The following IL1RAP variants were observed in gnomAD, a reference collection of about 807,000 sequenced individuals.
IL1RAP encodes the protein interleukin-1 receptor accessory protein.
IL1RAP carries 35 observed loss-of-function variants against 60.7 expected under a neutral mutation model. The observed-to-expected ratio is 0.58, with a 90% CI of 0.44 to 0.76. IL1RAP has a LOEUF of 0.76. Ranked by LOEUF, IL1RAP falls within the 30% of genes least tolerant of loss-of-function variation. The pLI is 0.00. For synonymous variants in IL1RAP, 268 were observed against 250.9 expected (o/e 1.07, Z -0.64); for missense variants, 572 against 693.9 (o/e 0.82, Z 1.97).
intron 5 of IL1RAP, chr3:190,615,373 TG>T (rs35429399): frequency 0.71 from 819,648 of 1,150,136 alleles, 293,499 homozygotes; most frequent in East Asian, 0.83. Flanking sequence ...GTCCTTTTGT[TG>T]TTGCTTTTGT....
chr3:190,527,839 A>ACG (rs969995143), intron 1 of IL1RAP, among the ~76,000 whole-genome samples: 1 of 141,356 alleles, frequency 7.1e-6, no homozygotes, highest in African/African-American at 2.9e-5. Context: ...ACACACACAC[A>ACG]CACACACACA....
At chr3:190,615,462 T>C (rs1375194586) in intron 5 of IL1RAP, 1 of 363,330 alleles carries the variant, frequency 2.8e-6, no homozygotes, top group Admixed American at 3.6e-5. Flanking sequence ...TTCCTTATAG[T>C]TTGATATTTA....
chr3:190,579,855 T>G (rs1727836493), intron 3 of IL1RAP, among the ~76,000 whole-genome samples: 1 of 152,212 alleles, frequency 6.6e-6, no homozygotes, highest in Non-Finnish European at 1.5e-5. Context: ...TGTGATTGAT[T>G]TAGTTTTCAC....
intron 1 of IL1RAP, among the ~76,000 whole-genome samples, chr3:190,534,975 A>G (rs941401706): frequency 1.3e-5 from 2 of 151,898 alleles, no homozygotes; most frequent in African/African-American, 2.4e-5. Flanking sequence ...GGAAAATGAG[A>G]GTCCTCTGTT....
intron 1 of IL1RAP, among the ~76,000 whole-genome samples, chr3:190,521,864 C>CA (rs1722049096): frequency 6.6e-6 from 1 of 151,762 alleles, no homozygotes. Context: ...AAAAAAAAAG[C>CA]AAGTTCTGTA....
intron 7 of IL1RAP, among the ~76,000 whole-genome samples, chr3:190,626,026 TGACGATATAATTTA>T (rs1732233973): frequency 6.6e-6 from 1 of 152,142 alleles, no homozygotes; most frequent in Non-Finnish European, 1.5e-5. Flanking sequence ...CAAATTAGGG[TGACGATATAATTTA>T]TCATCTAAAC....
intron 3 of IL1RAP, among the ~76,000 whole-genome samples, chr3:190,599,130 C>G (rs1729631404): frequency 1.3e-5 from 2 of 152,062 alleles, no homozygotes; most frequent in Admixed American, 6.6e-5. Flanking sequence ...TGGTTCGTTA[C>G]CAAGCCCTGG....
chr3:190,647,964 G>A (rs908841188), intron 11 of IL1RAP, among the ~76,000 whole-genome samples: 1 of 152,172 alleles, frequency 6.6e-6, no homozygotes, highest in African/African-American at 2.4e-5. Context: ...GGGCTCATGA[G>A]CTGACGTGGC....
intron 5 of IL1RAP, 125 bp downstream of exon 5, chr3:190,609,306 C>A: frequency 1.6e-6 from 1 of 616,064 alleles, no homozygotes; most frequent in Non-Finnish European, 2.6e-6. Context: ...TCCGTAATAG[C>A]TTTATGGAAG....
chr3:190,533,817 G>A (rs1187106990), intron 1 of IL1RAP, among the ~76,000 whole-genome samples: 2 of 152,142 alleles, frequency 1.3e-5, no homozygotes, highest in African/African-American at 4.8e-5. Context: ...GTCCGAGTCA[G>A]GCCAGACAAG....
At chr3:190,603,254 A>G (rs1027760573) in intron 3 of IL1RAP, among the ~76,000 whole-genome samples, 11 of 152,228 alleles carry the variant, frequency 7.2e-5, no homozygotes, top group Admixed American at 6.5e-5. Flanking sequence ...ATCGTTAAAA[A>G]TAATGTTTGA....
At chr3:190,575,680 C>T (rs1009454505) in intron 3 of IL1RAP, among the ~76,000 whole-genome samples, 26 of 152,282 alleles carry the variant, frequency 1.7e-4, no homozygotes, top group African/African-American at 5.1e-4. Flanking sequence ...GGTGTTGTTA[C>T]ATTTACTTGA....
At chr3:190,626,357 G>T (rs1383108959) in intron 7 of IL1RAP, among the ~76,000 whole-genome samples, 1 of 152,138 alleles carries the variant, frequency 6.6e-6, no homozygotes, top group Non-Finnish European at 1.5e-5. Context: ...TAAGTATGTT[G>T]CTACTGCTGC....
intron 1 of IL1RAP, among the ~76,000 whole-genome samples, chr3:190,542,397 A>C (rs1560153027): frequency 6.6e-6 from 1 of 152,170 alleles, no homozygotes; most frequent in Non-Finnish European, 1.5e-5. Flanking sequence ...CATCATCTGT[A>C]AGACAGGAAA....
chr3:190,516,515 T>C (rs6800609), intron 1 of IL1RAP, among the ~76,000 whole-genome samples: 18,302 of 152,206 alleles, frequency 0.12, 1,963 homozygotes, highest in East Asian at 0.47. Context: ...TATAGAACTT[T>C]AAAATTTCCA....
rs1577755574 is a variant in IL1RAP at position 190,623,279 on chromosome 3, A to G, written c.704-65A>G. On this transcript the variant is annotated intron_variant, in intron 6 of 11. Coordinates refer to ENST00000447382, the MANE Select transcript of IL1RAP (RefSeq NM_002182.4). ...GGAAGTTAGGCAAGATTCAGAGAAG[A>G]GCAGAATTTTTAATAAGGCTGCCTG... 6.6e-6 allele frequency: 8 copies of G among 1,219,788 alleles called. No individual in the cohort carries two copies. The East Asian group carries it at 1.9e-4, about 28-fold the overall frequency. The allele number at this position is 1,219,788 out of a possible 1,614,324, so 75.6% of individuals were successfully genotyped here. A position where few individuals can be genotyped will look rare whatever the true frequency, so the allele number is the denominator to read the frequency against.
chr3:190,627,524 A>G, intron 8 of IL1RAP, 75 bp downstream of exon 8: 2 of 1,455,208 alleles, frequency 1.4e-6, no homozygotes, highest in Middle Eastern at 1.8e-4. Flanking sequence ...TGTTCTAGTC[A>G]ATGAAAATAA....
exon 12 of IL1RAP, chr3:190,656,815 C>T (rs1381801359): frequency 1.7e-5 from 8 of 471,680 alleles, no homozygotes; most frequent in Admixed American, 7.6e-5. Flanking sequence ...CAGAAGAGCA[C>T]ACTCTTCTTG....
chr3:190,648,282 A>T, intron 11 of IL1RAP, 56 bp from the exon 12 acceptor site: 1 of 1,524,336 alleles, frequency 6.6e-7, no homozygotes, highest in Non-Finnish European at 8.8e-7. Context: ...TCAAGCCTCA[A>T]TGCTTTTGGG....
Sources: allele counts gnomAD v4.1 joint callset (sites outside exome capture counted in the v4.1 genomes callset), GRCh38; gene constraint gnomAD v4.1.1; transcripts MANE v1.5; gene names NCBI Gene and HGNC (gene_info 2026-07-23, HGNC 2026-07-21).